Variants in DPP6 observed in about 807,000 individuals in gnomAD.
DPP6 encodes dipeptidyl peptidase like 6.
In DPP6, 69 loss-of-function variants were observed where a neutral mutation model predicts 122.6. That is an observed-to-expected ratio of 0.56 (90% CI 0.46 to 0.69). The LOEUF (loss-of-function observed/expected upper bound fraction) is 0.69, where lower values mean the gene tolerates loss of function less well. Among genes scored for constraint, DPP6 ranks in the 30% least tolerant of loss-of-function variants. The probability of loss-of-function intolerance (pLI) is 0.00; values close to 1 mark genes in which losing one functional copy is unlikely to be tolerated. For synonymous variants in DPP6, 418 were observed against 433.1 expected, an observed-to-expected ratio of 0.97 and a Z score of 0.43; for missense variants, 928 against 1,116.9, an observed-to-expected ratio of 0.83 and a Z score of 2.41.
intron 1 of DPP6, among the ~76,000 whole-genome samples, chr7:153,999,494 G>A (rs953686173): frequency 1.1e-4 from 17 of 152,280 alleles, no homozygotes; most frequent in African/African-American, 4.1e-4. Flanking sequence ...GAATGCATTT[G>A]GCGTTTACTG....
intron 2 of DPP6, among the ~76,000 whole-genome samples, chr7:154,446,985 G>C (rs1376717226): frequency 6.6e-6 from 1 of 152,134 alleles, no homozygotes; most frequent in Non-Finnish European, 1.5e-5. Context: ...GTAGGATTAG[G>C]GAGAGAAGAA....
chr7:154,383,226 TG>T (rs1360517932), intron 1 of DPP6, among the ~76,000 whole-genome samples: 1 of 152,222 alleles, frequency 6.6e-6, no homozygotes, highest in Non-Finnish European at 1.5e-5. Context: ...CAGGCTGAAG[TG>T]GAAATGTGAA....
At chr7:154,712,452 AGAGAATTCCAGT>A (rs1407770065) in intron 7 of DPP6, among the ~76,000 whole-genome samples, 2 of 152,214 alleles carry the variant, frequency 1.3e-5, no homozygotes, top group African/African-American at 4.8e-5. Flanking sequence ...CCAATCCTCT[AGAGAATTCCAGT>A]GTATTAGTCC....
At chr7:154,250,920 C>G (rs1227692651) in intron 1 of DPP6, among the ~76,000 whole-genome samples, 1 of 152,162 alleles carries the variant, frequency 6.6e-6, no homozygotes, top group Non-Finnish European at 1.5e-5. Flanking sequence ...TATTGAGAAG[C>G]AATGTGGGCA....
At chr7:153,884,292 A>G (rs1420950119), upstream of DPP6, among the ~76,000 whole-genome samples, 4 of 152,204 alleles carry the variant, frequency 2.6e-5, no homozygotes, top group Non-Finnish European at 5.9e-5. Flanking sequence ...TAGTTTGCTG[A>G]GAATGATGGT....
At chr7:154,581,878 C>T (rs1323290025) in intron 5 of DPP6, among the ~76,000 whole-genome samples, 7 of 152,300 alleles carry the variant, frequency 4.6e-5, no homozygotes, top group Non-Finnish European at 7.3e-5. Flanking sequence ...ATTCTCCTTC[C>T]ACCTGCCTTC....
chr7:154,640,263 A>AAACAAC (rs1047494016), intron 6 of DPP6, among the ~76,000 whole-genome samples: 3 of 150,464 alleles, frequency 2.0e-5, no homozygotes, highest in Non-Finnish European at 4.4e-5. Context: ...ACAAAAACAA[A>AAACAAC]AACAACAATT....
At chr7:154,498,701 G>C (rs1297172195) in intron 3 of DPP6, among the ~76,000 whole-genome samples, 1 of 152,128 alleles carries the variant, frequency 6.6e-6, no homozygotes, top group Non-Finnish European at 1.5e-5. Flanking sequence ...GGCTTCTAGA[G>C]TAGGGTGTTC....
At chr7:154,844,883 T>G (rs1309195267) in intron 16 of DPP6, among the ~76,000 whole-genome samples, 1 of 152,236 alleles carries the variant, frequency 6.6e-6, no homozygotes, top group African/African-American at 2.4e-5. Context: ...TATTAAAATA[T>G]CAGTGAAGAT....
intron 21 of DPP6, chr7:154,885,305 T>C: frequency 4.1e-6 from 1 of 243,266 alleles, no homozygotes; most frequent in Non-Finnish European, 8.0e-6. Flanking sequence ...AGAAATGCCA[T>C]AAAGAGACGC....
At chr7:153,801,841 G>T in the DPP6 span, among the ~76,000 whole-genome samples, 1 of 152,098 alleles carries the variant, frequency 6.6e-6, no homozygotes. Context: ...TTCATTAAAA[G>T]TTAACTGGAC....
chr7:154,311,221 C>T (rs558336631), intron 1 of DPP6, among the ~76,000 whole-genome samples: 3 of 152,108 alleles, frequency 2.0e-5, no homozygotes, highest in Non-Finnish European at 4.4e-5. Flanking sequence ...CATGGGGAGC[C>T]GCGTGCAGTG....
At chr7:153,865,338 G>C in the DPP6 span, among the ~76,000 whole-genome samples, 424 of 152,210 alleles carry the variant, frequency 2.8e-3, 3 homozygotes, top group Admixed American at 5.0e-3. Flanking sequence ...TGTTAGGTTT[G>C]GGATTTATTT....
chr7:154,184,519 C>T (rs980361327), intron 1 of DPP6, among the ~76,000 whole-genome samples: 1 of 151,994 alleles, frequency 6.6e-6, no homozygotes, highest in Non-Finnish European at 1.5e-5. Context: ...GTGTGAGTCC[C>T]ACAGACGTCC....
intron 5 of DPP6, 124 bp from the exon 6 acceptor site, chr7:154,637,697 C>G: frequency 2.2e-6 from 2 of 896,344 alleles, no homozygotes; most frequent in Non-Finnish European, 1.7e-6. Context: ...GACTTTGTCT[C>G]CAGGTGTTGG....
At chr7:153,951,254 G>A (rs562418789) in intron 1 of DPP6, among the ~76,000 whole-genome samples, 75 of 152,288 alleles carry the variant, frequency 4.9e-4, no homozygotes, top group African/African-American at 1.7e-3. Context: ...GGGAGTGAGC[G>A]TGGAACTCGC....
intron 1 of DPP6, among the ~76,000 whole-genome samples, chr7:153,913,871 C>G (rs1425332135): frequency 6.6e-6 from 1 of 152,126 alleles, no homozygotes; most frequent in Non-Finnish European, 1.5e-5. Context: ...AATGCAATGC[C>G]AAACTCTTAA....
the DPP6 span, among the ~76,000 whole-genome samples, chr7:153,830,364 A>T: frequency 6.6e-6 from 1 of 152,336 alleles, no homozygotes; most frequent in South Asian, 2.1e-4. Context: ...CTGCTGAAAG[A>T]GCACCTAATG....
chr7:153,881,331 A>G, the DPP6 span, among the ~76,000 whole-genome samples: 58,012 of 152,106 alleles, frequency 0.38, 11,304 homozygotes, highest in Middle Eastern at 0.5. Context: ...CCCTTGTAAT[A>G]TAACATTAGC....
Sources: allele counts gnomAD v4.1 joint callset (sites outside exome capture counted in the v4.1 genomes callset), GRCh38; gene constraint gnomAD v4.1.1; transcripts MANE v1.5; gene names NCBI Gene and HGNC (gene_info 2026-07-23, HGNC 2026-07-21).